Variants in DPF3 observed in about 807,000 individuals in gnomAD.
The protein encoded by DPF3 is zinc finger protein DPF3.
In DPF3, 18 loss-of-function variants were observed where a neutral mutation model predicts 56.8. The ratio of observed to expected loss-of-function variants is 0.32; its 90% confidence interval spans 0.22 to 0.47. The LOEUF (loss-of-function observed/expected upper bound fraction) is 0.47, where lower values mean the gene tolerates loss of function less well. Ranked by LOEUF, DPF3 falls within the 20% of genes least tolerant of loss-of-function variation. The pLI is 1.00. For synonymous variants in DPF3, 188 were observed against 180.2 expected (o/e 1.04, Z -0.35); for missense variants, 403 against 488.8 (o/e 0.82, Z 1.65).
At chr14:72,713,632 C>A (rs1888754259) in intron 6 of DPF3, among the ~76,000 whole-genome samples, 1 of 152,172 alleles carries the variant, frequency 6.6e-6, no homozygotes, top group African/African-American at 2.4e-5. Flanking sequence ...GTGAGGGCTG[C>A]CCTCCCATAG....
chr14:72,892,016 A>C, intron 1 of DPF3: 1 of 1,202,158 alleles, frequency 8.3e-7, no homozygotes, highest in South Asian at 1.8e-5. Flanking sequence ...CCCTCCCCAA[A>C]CACGCACCCT....
chr14:72,648,337 A>G (rs189976158), intron 8 of DPF3, among the ~76,000 whole-genome samples: 30 of 152,248 alleles, frequency 2.0e-4, no homozygotes, highest in Non-Finnish European at 3.5e-4. Flanking sequence ...CGAGGCAGGC[A>G]GATCACTTGA....
At chr14:72,796,337 A>G (rs1892645583) in intron 1 of DPF3, among the ~76,000 whole-genome samples, 3 of 152,118 alleles carry the variant, frequency 2.0e-5, no homozygotes, top group South Asian at 4.1e-4. Flanking sequence ...CCCCATCTCT[A>G]CCAAAAATAC....
intron 10 of DPF3, 90 bp downstream of exon 10, chr14:72,619,813 G>T: frequency 8.3e-7 from 1 of 1,208,016 alleles, no homozygotes. Context: ...AAACCCATTA[G>T]CATAAGGCCT....
In DPF3 at chr14:72,732,440, A is replaced by G. The variant is rs189840395; in HGVS notation, c.302-506T>C. The stretch of plus-strand genomic sequence containing the variant: ...TGTCTGTCAACCCCATGACCTCCTC[A>G]TGGCCATGCTGGCTGCCCAGCTCTG... On this transcript the variant is annotated intron_variant, in intron 3 of 10. Coordinates refer to ENST00000556509, the MANE Select transcript of DPF3 (RefSeq NM_001280542.3). 2.8e-3 allele frequency among the ~76,000 whole-genome samples: 432 copies of G among 152,244 alleles called. 2 individuals carry two copies. Among genetic ancestry groups the G allele is most frequent in the African/African-American group, 1.0e-2 (414 of 41,562 alleles).
In DPF3 at chr14:72,659,586, CCGAGTCATGAGGAAAG is replaced by C. The variant is rs534567649; in HGVS notation, c.871+14638_871+14653del. Among the ~76,000 whole-genome samples, 3 of 152,282 alleles carry C rather than the reference CCGAGTCATGAGGAAAG, an allele frequency of 2.0e-5. No individual in the cohort carries two copies. In the East Asian group the frequency reaches 5.8e-4, roughly 29 times the overall value. On this transcript the variant is annotated intron_variant, in intron 8 of 10. Transcript: ENST00000556509. ...CAAAGATAGTATATGCAAAGAAAGC[CCGAGTCATGAGGAAAG>C]ACACACTCTAGGTAGAAAGCACTGG...
At chr14:72,861,685 A>G (rs1397620003) in intron 1 of DPF3, among the ~76,000 whole-genome samples, 5 of 150,142 alleles carry the variant, frequency 3.3e-5, no homozygotes, top group Non-Finnish European at 7.4e-5. Flanking sequence ...GAAAGAGAGA[A>G]AGAAAAGAAA....
intron 4 of DPF3, among the ~76,000 whole-genome samples, chr14:72,729,038 A>G (rs992718440): frequency 6.6e-6 from 1 of 152,102 alleles, no homozygotes; most frequent in Non-Finnish European, 1.5e-5. Flanking sequence ...ACCTGCAGTC[A>G]GGAGTTCGAG....
intron 1 of DPF3, among the ~76,000 whole-genome samples, chr14:72,861,681 GAGAA>G (rs1194696301): frequency 7.6e-6 from 1 of 131,598 alleles, no homozygotes; most frequent in African/African-American, 2.6e-5. Context: ...AAAAGAAAGA[GAGAA>G]AGAAAAGAAA....
chr14:72,643,249 A>G (rs1054664291), intron 8 of DPF3, among the ~76,000 whole-genome samples: 4 of 152,240 alleles, frequency 2.6e-5, no homozygotes, highest in Non-Finnish European at 5.9e-5. Flanking sequence ...TTGCCAGGGC[A>G]TGATGAAATA....
intron 2 of DPF3, among the ~76,000 whole-genome samples, chr14:72,759,524 G>C (rs1890980827): frequency 6.6e-6 from 1 of 151,396 alleles, no homozygotes; most frequent in Non-Finnish European, 1.5e-5. Context: ...GAGAGAGAGA[G>C]AGAGATGAAA....
intron 1 of DPF3, among the ~76,000 whole-genome samples, chr14:72,832,507 T>C (rs1306234190): frequency 1.3e-5 from 2 of 152,198 alleles, no homozygotes; most frequent in African/African-American, 4.8e-5. Context: ...AGATATTTTG[T>C]CCCATCAGCT....
At chr14:72,701,015 T>G (rs1888136224) in intron 6 of DPF3, among the ~76,000 whole-genome samples, 1 of 152,208 alleles carries the variant, frequency 6.6e-6, no homozygotes, top group Non-Finnish European at 1.5e-5. Flanking sequence ...AGAAACATTT[T>G]GAAAATAAAG....
chr14:72,857,349 C>G (rs1475466106), intron 1 of DPF3, among the ~76,000 whole-genome samples: 1 of 152,118 alleles, frequency 6.6e-6, no homozygotes, highest in African/African-American at 2.4e-5. Context: ...TATTAAAAAG[C>G]TTGTTAAAAA....
Position 72,618,491 on chromosome 14 carries a change from G to T in DPF3, c.*806C>A, listed in dbSNP as rs1399297779. Among the ~76,000 whole-genome samples the T allele has an allele frequency of 6.6e-6, 1 of 152,148 alleles. No individual in the cohort carries two copies. The highest frequency in any genetic ancestry group is 1.5e-5 in the Non-Finnish European group (1 of 68,040). ...CTTCCTCTGTCCATAGGCCATGACTGGTCTCACCTAAAGGATGCCCCAGCT... is the reference window on the plus strand; with the variant it reads ...CTTCCTCTGTCCATAGGCCATGACTTGTCTCACCTAAAGGATGCCCCAGCT... On this transcript the variant is annotated 3_prime_UTR_variant, in exon 11 of 11. Transcript: ENST00000556509.
At chr14:72,626,791 C>T (rs1039504821) in intron 9 of DPF3, among the ~76,000 whole-genome samples, 7 of 152,074 alleles carry the variant, frequency 4.6e-5, no homozygotes, top group African/African-American at 1.7e-4. Context: ...TGTATTCCCA[C>T]CAACAATGTA....
chr14:72,783,347 G>A (rs1008167348), intron 1 of DPF3, among the ~76,000 whole-genome samples: 8 of 152,072 alleles, frequency 5.3e-5, no homozygotes, highest in South Asian at 2.1e-4. Context: ...AGCCCCCAAC[G>A]CAAGACTTGG....
intron 1 of DPF3, among the ~76,000 whole-genome samples, chr14:72,839,959 G>C (rs1327709910): frequency 6.6e-6 from 1 of 152,218 alleles, no homozygotes; most frequent in African/African-American, 2.4e-5. Flanking sequence ...TGGACTCACA[G>C]ACCCAGGCTT....
intron 1 of DPF3, among the ~76,000 whole-genome samples, chr14:72,817,468 C>T (rs1599467922): frequency 1.3e-5 from 2 of 152,206 alleles, no homozygotes; most frequent in South Asian, 4.2e-4. Flanking sequence ...ACCAGCCTGG[C>T]TGGGTAACAT....
Sources: allele counts gnomAD v4.1 joint callset (sites outside exome capture counted in the v4.1 genomes callset), GRCh38; gene constraint gnomAD v4.1.1; transcripts MANE v1.5; gene names NCBI Gene and HGNC (gene_info 2026-07-23, HGNC 2026-07-21).